ADCY2: variants seen among roughly 807,000 people sequenced by gnomAD.
ADCY2 encodes adenylate cyclase 2.
ADCY2 carries 31 observed loss-of-function variants against 125.2 expected under a neutral mutation model. The observed-to-expected ratio is 0.25, with a 90% CI of 0.19 to 0.33. The LOEUF (loss-of-function observed/expected upper bound fraction) is 0.33. Ranked by LOEUF, ADCY2 falls within the 10% of genes least tolerant of loss-of-function variation. The pLI is 1.00. For missense variants in ADCY2, 904 were observed against 1,418.2 expected (o/e 0.64, Z 5.82); for synonymous variants, 512 against 548.4 (o/e 0.93, Z 0.93).
At chr5:7,675,868 G>A (rs1265061639) in intron 4 of ADCY2, among the ~76,000 whole-genome samples, 3 of 152,176 alleles carry the variant, frequency 2.0e-5, no homozygotes, top group Non-Finnish European at 4.4e-5. Context: ...AGTTTACTAG[G>A]TAATTGATAT....
At chr5:7,742,247 C>T (rs1191538684) in intron 14 of ADCY2, among the ~76,000 whole-genome samples, 3 of 152,058 alleles carry the variant, frequency 2.0e-5, no homozygotes. Context: ...TGGCAAGCGC[C>T]CTCCATAGCT....
intron 4 of ADCY2, among the ~76,000 whole-genome samples, chr5:7,662,263 A>G (rs1005715126): frequency 4.6e-5 from 7 of 152,228 alleles, no homozygotes; most frequent in Non-Finnish European, 8.8e-5. Flanking sequence ...CATTTCCCAA[A>G]CAAGCAAATG....
intron 3 of ADCY2, among the ~76,000 whole-genome samples, chr5:7,526,106 G>A (rs940342958): frequency 7.2e-5 from 11 of 152,160 alleles, no homozygotes; most frequent in East Asian, 1.9e-4. Flanking sequence ...GGGCTGCCCC[G>A]TGCCTAGGTG....
intron 2 of ADCY2, among the ~76,000 whole-genome samples, chr5:7,449,107 G>A (rs184077537): frequency 9.2e-5 from 14 of 152,114 alleles, no homozygotes; most frequent in African/African-American, 1.9e-4. Context: ...GTGTAAAAGC[G>A]TTTTTTTCCC....
chr5:7,545,166 G>A (rs1010647560), intron 3 of ADCY2, among the ~76,000 whole-genome samples: 4 of 152,200 alleles, frequency 2.6e-5, no homozygotes, highest in Non-Finnish European at 5.9e-5. Context: ...AAGTGGATGG[G>A]ATAACATCAG....
At chr5:7,682,668 C>T (rs1322099639) in intron 4 of ADCY2, among the ~76,000 whole-genome samples, 1 of 152,198 alleles carries the variant, frequency 6.6e-6, no homozygotes, top group Non-Finnish European at 1.5e-5. Context: ...CTGTGCCCCT[C>T]TGGACAGATC....
chr5:7,458,524 A>G (rs1351291876), intron 2 of ADCY2, among the ~76,000 whole-genome samples: 1 of 152,100 alleles, frequency 6.6e-6, no homozygotes, highest in Non-Finnish European at 1.5e-5. Context: ...TAAAACATGT[A>G]TTCTGTGATA....
chr5:7,455,112 T>C (rs553952936), intron 2 of ADCY2, among the ~76,000 whole-genome samples: 1 of 152,322 alleles, frequency 6.6e-6, no homozygotes, highest in Admixed American at 6.5e-5. Flanking sequence ...CTTTTCTCGC[T>C]GCACAAACTT....
At chr5:7,762,539 C>T (rs957771091) in intron 16 of ADCY2, among the ~76,000 whole-genome samples, 1 of 152,152 alleles carries the variant, frequency 6.6e-6, no homozygotes. Context: ...GCAAGGGAAG[C>T]ATACTCCTGT....
Position 7,603,784 on chromosome 5 carries a change from C to CTTTTTTTTTTTTTTTTTTTTTTTT in ADCY2, c.571-22381_571-22358dup. ...AAAATTCTGGGGTAATGCTCTCTTTCTTTTTTTTTTTTTTTTTTTTTTTTT... is the reference window on the plus strand; with the variant it reads ...AAAATTCTGGGGTAATGCTCTCTTTCTTTTTTTTTTTTTTTTTTTTTTTTTTTTTTTTTTTTTTTTTTTTTTTTT... On this transcript the variant is annotated intron_variant, in intron 3 of 24. Transcript: ENST00000338316. Among the ~76,000 whole-genome samples the CTTTTTTTTTTTTTTTTTTTTTTTT allele has an allele frequency of 6.7e-3, 421 of 62,838 alleles. 5 individuals are homozygous for CTTTTTTTTTTTTTTTTTTTTTTTT. The highest frequency in any genetic ancestry group is 0.02 in the Middle Eastern group (1 of 50). 41.2% of individuals were successfully genotyped at this position (62,838 alleles called of 152,430 possible). A position where few individuals can be genotyped will look rare whatever the true frequency, so the allele number is the denominator to read the frequency against.
chr5:7,477,282 A>G (rs1169014586), intron 2 of ADCY2, among the ~76,000 whole-genome samples: 2 of 152,224 alleles, frequency 1.3e-5, no homozygotes, highest in East Asian at 3.8e-4. Context: ...AAAATAGAAA[A>G]GCTATTTAAT....
chr5:7,744,579 G>T (rs749398087), intron 15 of ADCY2, among the ~76,000 whole-genome samples: 18 of 152,206 alleles, frequency 1.2e-4, no homozygotes, highest in Non-Finnish European at 2.5e-4. Context: ...GTTGCTAGCT[G>T]GCCATGAGTC....
rs1018742600 is a variant in ADCY2 at position 7,829,580 on chromosome 5, C to G, written c.*2709C>G. 2 of 152,364 alleles carry G rather than the reference C, an allele frequency of 1.3e-5. No individual in the cohort carries two copies. Among genetic ancestry groups the G allele is most frequent in the Non-Finnish European group, 2.9e-5 (2 of 68,038 alleles). The allele number at this position is 152,364 out of a possible 1,614,324, so 9.4% of individuals were successfully genotyped here. A position where few individuals can be genotyped will look rare whatever the true frequency, so the allele number is the denominator to read the frequency against. On this transcript the variant is annotated 3_prime_UTR_variant, in exon 25 of 25. Coordinates refer to ENST00000338316, the MANE Select transcript of ADCY2 (RefSeq NM_020546.3). ...AAAAAAAAAATCTCTCCCCAATGCT[C>G]TCCTTAACCTTTAAGTCTTACAGGA... is the stretch of plus-strand genomic sequence containing the variant.
In ADCY2 at chr5:7,424,719, T is replaced by C. The variant is rs539734041; in HGVS notation, c.408+9949T>C. Among the ~76,000 whole-genome samples the C allele has an allele frequency of 2.0e-5, 3 of 152,304 alleles. No homozygotes were observed. In the South Asian group the frequency reaches 6.2e-4, roughly 32 times the overall value. ...AGGTATTTTTCACTCCTCACATGAA[T>C]CAATAAGAGAAATAGGACTAACTTA... On this transcript the variant is annotated intron_variant, in intron 2 of 24. Coordinates refer to ENST00000338316, the MANE Select transcript of ADCY2 (RefSeq NM_020546.3).
At chr5:7,765,521 T>C (rs1161066940) in intron 16 of ADCY2, among the ~76,000 whole-genome samples, 1 of 152,190 alleles carries the variant, frequency 6.6e-6, no homozygotes, top group Admixed American at 6.5e-5. Context: ...TCAAATGATA[T>C]AACGGCAGAA....
At chr5:7,786,050 CT>C (rs1290665526) in intron 19 of ADCY2, among the ~76,000 whole-genome samples, 1 of 152,108 alleles carries the variant, frequency 6.6e-6, no homozygotes, top group Non-Finnish European at 1.5e-5. Context: ...CCATTTTTGT[CT>C]TTAGTGTAGC....
chr5:7,529,822 G>T (rs1561076749), intron 3 of ADCY2, among the ~76,000 whole-genome samples: 1 of 152,140 alleles, frequency 6.6e-6, no homozygotes, highest in Non-Finnish European at 1.5e-5. Context: ...TAGAGTTGAG[G>T]GTATAAACTC....
intron 20 of ADCY2, chr5:7,797,604 G>T (rs1044162927): frequency 6.6e-6 from 1 of 152,268 alleles, no homozygotes; most frequent in Non-Finnish European, 1.5e-5. Flanking sequence ...GGGCACGTGT[G>T]TGTGTAACAG....
intron 4 of ADCY2, among the ~76,000 whole-genome samples, chr5:7,663,840 A>C (rs2126695965): frequency 6.6e-6 from 1 of 152,224 alleles, no homozygotes; most frequent in African/African-American, 2.4e-5. Context: ...ATAGCTCAGA[A>C]CTCTCTCTTG....
Sources: allele counts gnomAD v4.1 joint callset (sites outside exome capture counted in the v4.1 genomes callset), GRCh38; gene constraint gnomAD v4.1.1; transcripts MANE v1.5; gene names NCBI Gene and HGNC (gene_info 2026-07-23, HGNC 2026-07-21).